Variants in LPP observed in about 807,000 individuals in gnomAD.
LPP encodes lipoma-preferred partner.
A neutral mutation model predicts 60.4 loss-of-function variants in LPP; 38 were observed. The ratio of observed to expected loss-of-function variants is 0.63; its 90% CI spans 0.49 to 0.83. The LOEUF is 0.83. Ranked by LOEUF, LPP falls within the 40% of genes least tolerant of loss-of-function variation. LPP has a pLI of 0.00. For synonymous variants in LPP, 328 were observed against 290.8 expected, an observed-to-expected ratio of 1.13 and a Z score of -1.30; for missense variants, 902 against 783.6, an observed-to-expected ratio of 1.15 and a Z score of -1.80.
intron 8 of LPP, among the ~76,000 whole-genome samples, chr3:188,734,664 C>T (rs1721865285): frequency 6.6e-6 from 1 of 152,222 alleles, no homozygotes; most frequent in South Asian, 2.1e-4. Context: ...GTGGAACCTC[C>T]TTCCCTGGGG....
In LPP at chr3:188,678,327, C is replaced by T. The variant is rs188200321; in HGVS notation, c.1114-29940C>T. Among the ~76,000 whole-genome samples the T allele has an allele frequency of 4.6e-4, 70 of 152,272 alleles. No individual in the cohort carries two copies. In the Middle Eastern group the frequency reaches 0.017, roughly 37 times the overall value. On this transcript the variant is annotated intron_variant, in intron 7 of 11. Transcript: ENST00000617246. ...TTACATTTAATGTAGCTTTATACAG[C>T]TCAGATTTATTTCTATAGGTTAAGC...
At chr3:188,455,251 C>T (rs1797473091) in intron 4 of LPP, among the ~76,000 whole-genome samples, 1 of 152,008 alleles carries the variant, frequency 6.6e-6, no homozygotes, top group Non-Finnish European at 1.5e-5. Context: ...TGGGGACTAG[C>T]AAAGTGCTCA....
At chr3:188,578,372 T>C (rs1835258247) in intron 6 of LPP, among the ~76,000 whole-genome samples, 1 of 152,154 alleles carries the variant, frequency 6.6e-6, no homozygotes, top group Non-Finnish European at 1.5e-5. Flanking sequence ...TTATATACTT[T>C]ATTTTCTTCT....
rs1157333230 is a variant in LPP at position 188,882,980 on chromosome 3, G to A, written c.*8501G>A. On this transcript the variant is annotated 3_prime_UTR_variant, in exon 12 of 12. Transcript: ENST00000617246. ...CCTGACCTCGTGATCCGCCCGCCTC[G>A]GCCTCCCAAAGTGCCAATTCTGACT... is the stretch of plus-strand genomic sequence containing the variant. 2.1e-5 allele frequency: 4 copies of A among 188,924 alleles called. No homozygotes were observed. Among genetic ancestry groups the A allele is most frequent in the Admixed American group, 6.2e-5 (1 of 16,158 alleles). The allele number at this position is 188,924 out of a possible 1,614,324, so 11.7% of individuals were successfully genotyped here. A position where few individuals can be genotyped will look rare whatever the true frequency, so the allele number is the denominator to read the frequency against.
chr3:188,318,822 G>C (rs1490630567), intron 2 of LPP, among the ~76,000 whole-genome samples: 4 of 140,406 alleles, frequency 2.8e-5, no homozygotes, highest in South Asian at 2.3e-4. Flanking sequence ...GCAGTGGCGC[G>C]ATCTCGGCTC....
chr3:188,835,824 G>A (rs1758315692), intron 9 of LPP, among the ~76,000 whole-genome samples: 1 of 152,174 alleles, frequency 6.6e-6, no homozygotes, highest in African/African-American at 2.4e-5. Context: ...CATAAATAAG[G>A]TAGCAATTCC....
intron 10 of LPP, 87 bp from the exon 11 acceptor site, chr3:188,872,556 C>T (rs113467956): frequency 3.4e-5 from 51 of 1,484,606 alleles, no homozygotes; most frequent in Non-Finnish European, 4.8e-5. Flanking sequence ...TATACCGACT[C>T]TCAGTTTCCA....
In LPP at chr3:188,706,688, C is replaced by T. The variant is rs577218004; in HGVS notation, c.1114-1579C>T. The stretch of plus-strand genomic sequence containing the variant: ...AGATTTGTACTTTACAGGATTTTCA[C>T]GTCCAAGAGCTCACTTGGTGTAGTG... On this transcript the variant is annotated intron_variant, in intron 7 of 11. Coordinates refer to ENST00000617246, the MANE Select transcript of LPP (RefSeq NM_001375462.1). Among the ~76,000 whole-genome samples, 16 of 152,290 alleles carry T rather than the reference C, an allele frequency of 1.1e-4. No homozygotes were observed. The East Asian group carries it at 2.7e-3, about 26-fold the overall frequency.
intron 2 of LPP, among the ~76,000 whole-genome samples, chr3:188,292,623 C>T (rs1375997235): frequency 1.3e-5 from 2 of 152,134 alleles, no homozygotes; most frequent in Non-Finnish European, 2.9e-5. Flanking sequence ...ACACATGGTA[C>T]CCAATAAGCC....
intron 4 of LPP, among the ~76,000 whole-genome samples, chr3:188,475,521 C>T (rs1802921200): frequency 6.6e-6 from 1 of 152,192 alleles, no homozygotes; most frequent in Non-Finnish European, 1.5e-5. Context: ...GAGCTGTAGA[C>T]AACCCCTGTT....
At chr3:188,479,691 G>A (rs1387803591) in intron 4 of LPP, among the ~76,000 whole-genome samples, 1 of 152,192 alleles carries the variant, frequency 6.6e-6, no homozygotes, top group African/African-American at 2.4e-5. Flanking sequence ...ATACAATCAA[G>A]TATTACAGAT....
chr3:188,331,547 T>A (rs1416790894), intron 2 of LPP, among the ~76,000 whole-genome samples: 1 of 152,204 alleles, frequency 6.6e-6, no homozygotes, highest in Non-Finnish European at 1.5e-5. Flanking sequence ...ACATGACATG[T>A]CCCCAGATAC....
chr3:188,337,062 G>A (rs1290298970), intron 2 of LPP, among the ~76,000 whole-genome samples: 1 of 152,180 alleles, frequency 6.6e-6, no homozygotes, highest in Non-Finnish European at 1.5e-5. Context: ...CTGGCCTGAA[G>A]GGGAGGGTGA....
rs557109212 is a variant in LPP, at chr3:188,188,293, A to G, written c.-190+34041A>G. ...GAGCAGTAAGAATTGGGAGGGGAGTACCACCTCTGAATCAGCACATTTAGT... is the reference window on the plus strand; with the variant it reads ...GAGCAGTAAGAATTGGGAGGGGAGTGCCACCTCTGAATCAGCACATTTAGT... On this transcript the variant is annotated intron_variant, in intron 1 of 11. Transcript: ENST00000617246. Among the ~76,000 whole-genome samples the G allele has an allele frequency of 3.3e-5, 5 of 152,238 alleles. No homozygotes were observed. In the South Asian group the frequency reaches 8.3e-4, roughly 25 times the overall value.
At chr3:188,325,637 T>C (rs1758220912) in intron 2 of LPP, among the ~76,000 whole-genome samples, 1 of 152,228 alleles carries the variant, frequency 6.6e-6, no homozygotes, top group Non-Finnish European at 1.5e-5. Context: ...GTAATAATAA[T>C]AATGGTGAAG....
intron 5 of LPP, among the ~76,000 whole-genome samples, chr3:188,503,851 A>T (rs1292340387): frequency 6.6e-6 from 1 of 152,186 alleles, no homozygotes; most frequent in Admixed American, 6.5e-5. Flanking sequence ...CCTCTCTTGC[A>T]ACTTTCAAAA....
intron 10 of LPP, 56 bp from the exon 11 acceptor site, chr3:188,872,587 G>A (rs1043506740): frequency 4.1e-5 from 66 of 1,608,262 alleles, no homozygotes; most frequent in Non-Finnish European, 5.1e-5. Context: ...TTACCTCTGC[G>A]TCCCACCTCA....
At chr3:188,457,620 C>T (rs920187387) in intron 4 of LPP, among the ~76,000 whole-genome samples, 15 of 151,634 alleles carry the variant, frequency 9.9e-5, no homozygotes, top group South Asian at 4.2e-4. Flanking sequence ...AGGCCAGGTG[C>T]GGTGGCTCAC....
At chr3:188,280,736 T>C (rs1368458781) in intron 2 of LPP, among the ~76,000 whole-genome samples, 1 of 151,908 alleles carries the variant, frequency 6.6e-6, no homozygotes, top group Non-Finnish European at 1.5e-5. Context: ...TTTGTCTGGG[T>C]TAACCAACTG....
Sources: gnomAD v4.1 joint callset for allele counts (sites outside exome capture counted in the v4.1 genomes callset) on GRCh38, gnomAD v4.1.1 for gene constraint, MANE v1.5 for transcripts, NCBI Gene and HGNC (gene_info 2026-07-23, HGNC 2026-07-21) for gene names.